RELN: variants seen among roughly 807,000 people sequenced by gnomAD.
The protein encoded by RELN is reelin.
Under a neutral mutation model 427.6 loss-of-function variants are expected in RELN, and 108 were observed. The ratio of observed to expected loss-of-function variants is 0.25; its 90% CI spans 0.22 to 0.30. The LOEUF (loss-of-function observed/expected upper bound fraction) is 0.30. Among genes scored for constraint, RELN ranks in the 10% least tolerant of loss-of-function variants. The pLI is 1.00. For synonymous variants in RELN, 1,524 were observed against 1,513.4 expected, an observed-to-expected ratio of 1.01 and a Z score of -0.16; for missense variants, 3,715 against 4,302.8, an observed-to-expected ratio of 0.86 and a Z score of 3.82.
intron 1 of RELN, among the ~76,000 whole-genome samples, chr7:103,986,022 A>C (rs1201885081): frequency 6.6e-6 from 1 of 152,216 alleles, no homozygotes; most frequent in African/African-American, 2.4e-5. Context: ...CACATTGCGG[A>C]AACTGACCAT....
intron 2 of RELN, among the ~76,000 whole-genome samples, chr7:103,848,252 A>T (rs1431429321): frequency 6.6e-6 from 1 of 152,198 alleles, no homozygotes. Context: ...AGAGCAGGAG[A>T]AACACAGCAC....
At chr7:103,901,909 G>C (rs543690789) in intron 2 of RELN, among the ~76,000 whole-genome samples, 65 of 150,252 alleles carry the variant, frequency 4.3e-4, no homozygotes, top group Non-Finnish European at 7.7e-4. Flanking sequence ...TGTCTCAAAA[G>C]AAAAACACAC....
Position 103,823,173 on chromosome 7 carries a change from A to G in RELN, c.473+10364T>C, listed in dbSNP as rs930661206. Among the ~76,000 whole-genome samples the G allele has an allele frequency of 4.6e-5, 7 of 152,082 alleles. 1 individual carries two copies. The highest frequency in any genetic ancestry group is 1.7e-4 in the African/African-American group (7 of 41,522). On this transcript the variant is annotated intron_variant, in intron 3 of 64. Transcript: ENST00000428762. ...TAACAGTAGCTTACCTTTGGTTAGC[A>G]CTTGCCTGGTATGTTTTTTCCATCT...
intron 63 of RELN, among the ~76,000 whole-genome samples, chr7:103,480,604 T>G (rs1828199187): frequency 1.3e-5 from 2 of 152,196 alleles, no homozygotes; most frequent in Non-Finnish European, 2.9e-5. Flanking sequence ...AAACAACTCA[T>G]TTATTGAACG....
At chr7:103,736,385 C>G (rs921737839) in intron 6 of RELN, among the ~76,000 whole-genome samples, 2 of 152,106 alleles carry the variant, frequency 1.3e-5, no homozygotes, top group Non-Finnish European at 2.9e-5. Context: ...TTTAGAGAAA[C>G]AGCAAGGAAA....
At chr7:103,804,067 G>C (rs1340425438) in intron 3 of RELN, among the ~76,000 whole-genome samples, 3 of 152,022 alleles carry the variant, frequency 2.0e-5, no homozygotes, top group Non-Finnish European at 2.9e-5. Context: ...CAGAGAGACA[G>C]AGTCTTTATC....
intron 46 of RELN, among the ~76,000 whole-genome samples, chr7:103,533,224 T>C (rs1000200225): frequency 3.3e-5 from 5 of 152,260 alleles, no homozygotes; most frequent in African/African-American, 9.6e-5. Flanking sequence ...TAACCCTTAC[T>C]GAGCACATGT....
intron 2 of RELN, among the ~76,000 whole-genome samples, chr7:103,884,044 A>G (rs1416669925): frequency 6.6e-6 from 1 of 152,100 alleles, no homozygotes; most frequent in Non-Finnish European, 1.5e-5. Flanking sequence ...CTACAGGGCT[A>G]CGGTAACAAA....
At position 103,472,438 on chromosome 7, in the gene RELN, C is replaced by A. The variant is rs577560786; in HGVS notation, c.*374G>T. 2 of 277,872 alleles carry A rather than the reference C, an allele frequency of 7.2e-6. No homozygotes were observed. The highest frequency in any genetic ancestry group is 9.3e-5 in the East Asian group (1 of 10,736). 17.2% of individuals were successfully genotyped at this position (277,872 alleles called of 1,614,324 possible). A position where few individuals can be genotyped will look rare whatever the true frequency, so the allele number is the denominator to read the frequency against. ...GCCGAAATACAGTCCACTTAAATAG[C>A]TTTGTGACCAAGAATGTTAAATACT... On this transcript the variant is annotated 3_prime_UTR_variant, in exon 65 of 65. Transcript: ENST00000428762.
chr7:103,901,904 C>A (rs1795091736), intron 2 of RELN, among the ~76,000 whole-genome samples: 1 of 151,942 alleles, frequency 6.6e-6, no homozygotes, highest in East Asian at 1.9e-4. Context: ...ATTTGTGTCT[C>A]AAAAGAAAAA....
chr7:103,951,967 C>T (rs935588508), intron 1 of RELN, among the ~76,000 whole-genome samples: 1 of 152,250 alleles, frequency 6.6e-6, no homozygotes, highest in African/African-American at 2.4e-5. Flanking sequence ...GCCACTGTGC[C>T]CGGCCCTCTG....
chr7:103,473,178 T>C (rs182946219), intron 64 of RELN, among the ~76,000 whole-genome samples: 17 of 152,356 alleles, frequency 1.1e-4, no homozygotes, highest in African/African-American at 3.6e-4. Flanking sequence ...TCTTGATTCA[T>C]AGCAAAAGCA....
chr7:103,602,996 G>T (rs1045406661), intron 24 of RELN, among the ~76,000 whole-genome samples: 1 of 152,028 alleles, frequency 6.6e-6, no homozygotes, highest in Non-Finnish European at 1.5e-5. Context: ...CCTTCCCTAC[G>T]CAAACTTCCT....
intron 7 of RELN, among the ~76,000 whole-genome samples, chr7:103,723,977 T>G (rs993828117): frequency 6.6e-6 from 1 of 152,122 alleles, no homozygotes; most frequent in African/African-American, 2.4e-5. Context: ...TTTTAAAATT[T>G]TATTTATTTA....
chr7:103,687,113 G>T (rs944211873), intron 10 of RELN, among the ~76,000 whole-genome samples: 3 of 152,066 alleles, frequency 2.0e-5, no homozygotes, highest in African/African-American at 7.2e-5. Flanking sequence ...TCAATTTATG[G>T]TATATTTTGT....
chr7:103,523,282 T>A, intron 47 of RELN, 109 bp downstream of exon 47: 2 of 1,247,674 alleles, frequency 1.6e-6, no homozygotes, highest in South Asian at 2.6e-5. Flanking sequence ...GAAAAAAATG[T>A]ATAACTTAAG....
In RELN at chr7:103,795,025, A is replaced by C. The variant is rs577476311; in HGVS notation, c.474-18398T>G. On this transcript the variant is annotated intron_variant, in intron 3 of 64. Transcript: ENST00000428762. Reference sequence around the variant, plus strand: ...GTTTCAAATTTGGCTCATGTCTAGGAGTTTAATTTTCTATAATATCCCCTA... The same window carrying C: ...GTTTCAAATTTGGCTCATGTCTAGGCGTTTAATTTTCTATAATATCCCCTA... Among the ~76,000 whole-genome samples, 11 of 152,308 alleles carry C rather than the reference A, an allele frequency of 7.2e-5. No homozygotes were observed. In the South Asian group the frequency reaches 2.1e-3, roughly 29 times the overall value.
At chr7:103,659,091 C>T (rs1054290750) in intron 12 of RELN, among the ~76,000 whole-genome samples, 15 of 151,724 alleles carry the variant, frequency 9.9e-5, no homozygotes, top group African/African-American at 2.4e-4. Flanking sequence ...GAATCTGATT[C>T]GAATTCTGAA....
intron 2 of RELN, among the ~76,000 whole-genome samples, chr7:103,877,307 AT>A (rs1454832798): frequency 6.6e-6 from 1 of 152,118 alleles, no homozygotes. Flanking sequence ...GGACACTTCC[AT>A]TTGAATATCC....
Sources: gnomAD v4.1 joint callset for allele counts (sites outside exome capture counted in the v4.1 genomes callset) on GRCh38, gnomAD v4.1.1 for gene constraint, MANE v1.5 for transcripts, NCBI Gene and HGNC (gene_info 2026-07-23, HGNC 2026-07-21) for gene names.